The following AKNA variants were observed in gnomAD, a reference collection of about 807,000 sequenced individuals.
AKNA encodes the protein AT-hook transcription factor, also known as microtubule organization protein AKNA.
AKNA carries 67 observed loss-of-function variants against 138.8 expected under a neutral mutation model. The ratio of observed to expected loss-of-function variants is 0.48; its 90% CI spans 0.40 to 0.59. AKNA has a LOEUF of 0.59. Ranked by LOEUF, AKNA falls within the 20% of genes least tolerant of loss-of-function variation. The pLI, the probability that AKNA is intolerant of heterozygous loss-of-function variation, is 0.00. For missense variants in AKNA, 1,813 were observed against 1,880.4 expected (o/e 0.96, Z 0.66); for synonymous variants, 737 against 754.4 (o/e 0.98, Z 0.38).
intron 9 of AKNA, among the ~76,000 whole-genome samples, chr9:114,360,479 C>T (rs1831866839): frequency 6.6e-6 from 1 of 152,144 alleles, no homozygotes; most frequent in Admixed American, 6.5e-5. Context: ...CACCCCAGCC[C>T]CCTGCAATAC....
rs1011640456 is a variant in AKNA, at chr9:114,336,235, A to G, written c.*819T>C. 18 of 152,780 alleles carry G rather than the reference A, an allele frequency of 1.2e-4. No individual in the cohort carries two copies. The highest frequency in any genetic ancestry group is 4.3e-4 in the African/African-American group (18 of 41,578). 9.5% of individuals were successfully genotyped at this position (152,780 alleles called of 1,614,324 possible). A position where few individuals can be genotyped will look rare whatever the true frequency, so the allele number is the denominator to read the frequency against. On this transcript the variant is annotated 3_prime_UTR_variant, in exon 22 of 22. Transcript: ENST00000374088. ...TTTTAAATGCCTCAAATATACAAAC[A>G]TCATTGATGCACACACATTCCAGAA... is the stretch of plus-strand genomic sequence containing the variant.
chr9:114,390,910 T>C (rs1834309779), upstream of AKNA, among the ~76,000 whole-genome samples: 1 of 152,254 alleles, frequency 6.6e-6, no homozygotes, highest in Non-Finnish European at 1.5e-5. Context: ...ATATTTCATA[T>C]GTGATTATTT....
Position 114,355,775 on chromosome 9 carries a change from C to G in AKNA, c.3058+150G>C, listed in dbSNP as rs1020805277. On this transcript the variant is annotated intron_variant, in intron 14 of 21. Coordinates refer to ENST00000374088, the MANE Select transcript of AKNA (RefSeq NM_001317950.2). ...GATGGTTTCCAGAGTATTTTTTTTT[C>G]TTTTGTTCCCTTTTGTCCACGTTAT... The G allele has an allele frequency of 2.7e-5, 23 of 849,608 alleles. 1 individual carries two copies. Among genetic ancestry groups the G allele is most frequent in the Admixed American group, 1.5e-4 (5 of 33,048 alleles). The allele number at this position is 849,608 out of a possible 1,614,324, so 52.6% of individuals were successfully genotyped here.
chr9:114,339,445 G>C (rs16928312), intron 21 of AKNA, among the ~76,000 whole-genome samples: 5,760 of 151,842 alleles, frequency 0.038, 381 homozygotes, highest in African/African-American at 0.13. Context: ...ATGTACTATG[G>C]GCTTTCCATG....
Position 114,376,669 on chromosome 9 carries a change from T to G in AKNA, c.1138A>C (p.Lys380Gln). The G allele has an allele frequency of 6.2e-7, 1 of 1,613,488 alleles. No homozygotes were observed. Among genetic ancestry groups the G allele is most frequent in the Non-Finnish European group, 8.5e-7 (1 of 1,179,782 alleles). Reference sequence around the variant, plus strand: ...GGCTTCCTGTTGTGGCTTCTGGACTTGGGGGGACGGTAGCTCTCATCTTTG... The same window carrying G: ...GGCTTCCTGTTGTGGCTTCTGGACTGGGGGGGACGGTAGCTCTCATCTTTG... ...FPKDESYRPP[K>Q]SRSHNRKPQA... is the part of the protein sequence containing the mutation. Residue 380 changes from lysine (K) to glutamine (Q), a missense_variant, in exon 3 of 22, where the codon AAG (lysine) becomes CAG (glutamine). Lys to Gln is a moderately conservative substitution (Grantham distance 53, BLOSUM62 1). Coordinates refer to ENST00000374088, the MANE Select transcript of AKNA (RefSeq NM_001317950.2).
intron 13 of AKNA, among the ~76,000 whole-genome samples, chr9:114,356,534 C>T (rs1319150654): frequency 1.3e-5 from 2 of 152,312 alleles, no homozygotes; most frequent in East Asian, 3.9e-4. Context: ...CATGTAGCCA[C>T]CCTGAGTGCC....
intron 2 of AKNA, among the ~76,000 whole-genome samples, chr9:114,380,036 A>G (rs1378830081): frequency 6.6e-6 from 1 of 152,114 alleles, no homozygotes; most frequent in East Asian, 1.9e-4. Flanking sequence ...CTGTAGTCCC[A>G]GCTCCTCGGG....
Position 114,336,738 on chromosome 9 carries a change from A to C in AKNA, c.*316T>G. Reference sequence around the variant, plus strand: ...CTGTCCATCTGTATATAAAATACCTATTATTAGCTGGAGTTGCACACATGC... The same window carrying C: ...CTGTCCATCTGTATATAAAATACCTCTTATTAGCTGGAGTTGCACACATGC... On this transcript the variant is annotated 3_prime_UTR_variant, in exon 22 of 22. Transcript: ENST00000374088. 1 of 344,356 alleles carries C rather than the reference A, an allele frequency of 2.9e-6. No homozygotes were observed. The highest frequency in any genetic ancestry group is 5.2e-6 in the Non-Finnish European group (1 of 192,104). 21.3% of individuals were successfully genotyped at this position (344,356 alleles called of 1,614,324 possible).
intron 6 of AKNA, among the ~76,000 whole-genome samples, chr9:114,366,875 T>C (rs746463563): frequency 2.6e-5 from 4 of 152,208 alleles, no homozygotes; most frequent in Admixed American, 6.5e-5. Flanking sequence ...CAAAGCTAAA[T>C]GTGTGACTCT....
chr9:114,349,381 C>T (rs1047439694), intron 15 of AKNA, among the ~76,000 whole-genome samples: 10 of 152,154 alleles, frequency 6.6e-5, no homozygotes, highest in African/African-American at 2.4e-5. Context: ...ACTCTAGATC[C>T]CCTCCTTCCC....
At chr9:114,391,276 C>T (rs12002137), upstream of AKNA, among the ~76,000 whole-genome samples, 1,953 of 152,320 alleles carry the variant, frequency 0.013, 54 homozygotes, top group African/African-American at 0.044. Flanking sequence ...ATAATTAATA[C>T]CTGTGCACAA....
intron 17 of AKNA, 21 bp downstream of exon 17, chr9:114,346,647 GC>G (rs765269871): frequency 5.7e-6 from 9 of 1,576,316 alleles, no homozygotes; most frequent in Non-Finnish European, 7.8e-6. Flanking sequence ...CTGGAAATCA[GC>G]CTTTGCAGGT....
chr9:114,360,148 G>C, intron 9 of AKNA, 86 bp from the exon 10 acceptor site: 1 of 1,557,258 alleles, frequency 6.4e-7, no homozygotes, highest in Non-Finnish European at 8.8e-7. Flanking sequence ...GGCTCGAGCT[G>C]TGGGCTGCGG....
At chr9:114,338,157 C>T (rs1830120704) in intron 21 of AKNA, among the ~76,000 whole-genome samples, 1 of 152,206 alleles carries the variant, frequency 6.6e-6, no homozygotes, top group African/African-American at 2.4e-5. Flanking sequence ...TGGCATCTTG[C>T]TTGGCACACT....
In AKNA at chr9:114,334,669, G is replaced by C. The variant is rs1381072749; in HGVS notation, c.*2385C>G. Reference sequence around the variant, plus strand: ...CTCGTGATTGACAGCCTCTTGTTACGTGAGGGAAGCAGCACCCCTTCCGTG... The same window carrying C: ...CTCGTGATTGACAGCCTCTTGTTACCTGAGGGAAGCAGCACCCCTTCCGTG... On this transcript the variant is annotated 3_prime_UTR_variant, in exon 22 of 22. Coordinates refer to ENST00000374088, the MANE Select transcript of AKNA (RefSeq NM_001317950.2). 6.8e-6 allele frequency: 1 copy of C among 147,042 alleles called. No homozygotes were observed. The allele number at this position is 147,042 out of a possible 1,614,324, so 9.1% of individuals were successfully genotyped here.
intron 21 of AKNA, among the ~76,000 whole-genome samples, chr9:114,340,231 C>A (rs1220978999): frequency 6.6e-6 from 1 of 152,232 alleles, no homozygotes; most frequent in East Asian, 1.9e-4. Flanking sequence ...CGCAGGCCCT[C>A]ACTGCCTACA....
intron 2 of AKNA, among the ~76,000 whole-genome samples, chr9:114,378,486 GT>G (rs1833405084): frequency 6.6e-6 from 1 of 152,152 alleles, no homozygotes; most frequent in South Asian, 2.1e-4. Context: ...GATGCTCTCT[GT>G]TTTGTTCATG....
At chr9:114,391,222 T>G (rs1834326506), upstream of AKNA, among the ~76,000 whole-genome samples, 1 of 152,210 alleles carries the variant, frequency 6.6e-6, no homozygotes, top group African/African-American at 2.4e-5. Context: ...AGACCTGGCT[T>G]CTAATAACCA....
At chr9:114,359,132 G>A (rs111909702) in intron 11 of AKNA, 4,245 of 163,978 alleles carry the variant, frequency 0.026, 67 homozygotes, top group Non-Finnish European at 0.041. Flanking sequence ...GCAGTGGCCC[G>A]ATCTCAGCTC....
Sources: gnomAD v4.1 joint callset for allele counts (sites outside exome capture counted in the v4.1 genomes callset) on GRCh38, gnomAD v4.1.1 for gene constraint, MANE v1.5 for transcripts, NCBI Gene and HGNC (gene_info 2026-07-23, HGNC 2026-07-21) for gene names.